The following ADAMTS6 variants were observed in gnomAD, a reference collection of about 807,000 sequenced individuals.
ADAMTS6 encodes the protein A disintegrin and metalloproteinase with thrombospondin motifs 6.
A neutral mutation model predicts 144.3 loss-of-function variants in ADAMTS6; 23 were observed. The observed-to-expected ratio is 0.16, with a 90% CI of 0.11 to 0.23. The LOEUF is 0.23. Ranked by LOEUF, ADAMTS6 falls within the 10% of genes least tolerant of loss-of-function variation. The pLI, the probability that ADAMTS6 is intolerant of heterozygous loss-of-function variation, is 1.00. For synonymous variants in ADAMTS6, 444 were observed against 457.5 expected, an observed-to-expected ratio of 0.97 and a Z score of 0.38; for missense variants, 999 against 1,379.6, an observed-to-expected ratio of 0.72 and a Z score of 4.37.
At chr5:65,464,721 C>A (rs1346663323) in intron 3 of ADAMTS6, among the ~76,000 whole-genome samples, 1 of 152,136 alleles carries the variant, frequency 6.6e-6, no homozygotes, top group Non-Finnish European at 1.5e-5. Context: ...CCTTTTACAC[C>A]ATGCCCACAG....
At chr5:65,380,177 T>C (rs1293192340) in intron 7 of ADAMTS6, among the ~76,000 whole-genome samples, 1 of 152,112 alleles carries the variant, frequency 6.6e-6, no homozygotes, top group African/African-American at 2.4e-5. Flanking sequence ...GCTGTATAGG[T>C]TCTGCATCTT....
chr5:65,436,631 T>A (rs1257587331), intron 7 of ADAMTS6, among the ~76,000 whole-genome samples: 6 of 151,872 alleles, frequency 4.0e-5, no homozygotes, highest in African/African-American at 1.2e-4. Context: ...AGGTCAGGAG[T>A]TCGAGGCCAG....
chr5:65,377,189 A>G (rs1488670651), intron 7 of ADAMTS6, among the ~76,000 whole-genome samples: 1 of 152,148 alleles, frequency 6.6e-6, no homozygotes, highest in Non-Finnish European at 1.5e-5. Context: ...TGACAGAGAC[A>G]AGTACTTCCT....
At position 65,280,065 on chromosome 5, in the gene ADAMTS6, T is replaced by A. The variant is rs549017659; in HGVS notation, c.1513-6618A>T. 1.3e-4 allele frequency among the ~76,000 whole-genome samples: 20 copies of A among 152,346 alleles called. No homozygotes were observed. In the South Asian group the frequency reaches 3.9e-3, roughly 30 times the overall value. ...TTTGGTCAGCACCATGTAGGCTGTA[T>A]ATGGTTTTACTTTGTTCTTATGTGA... On this transcript the variant is annotated intron_variant, in intron 11 of 24. Transcript: ENST00000381055.
At chr5:65,236,608 T>C (rs1758690849) in intron 15 of ADAMTS6, among the ~76,000 whole-genome samples, 1 of 152,128 alleles carries the variant, frequency 6.6e-6, no homozygotes, top group Non-Finnish European at 1.5e-5. Context: ...CTTAATGCAA[T>C]TAAATTATAT....
At position 65,260,633 on chromosome 5, in the gene ADAMTS6, C is replaced by G; in HGVS notation, c.1797G>C (p.Gly599=). ...APSGGGKYCL[G]ERKRYRSCNT... ...TACAGGAGCGATACCGTTTCCTTTC[C>G]CCAAGGCAATATTTTCCACCTCCTG... The change falls in exon 14 of 25, where the codon GGG becomes GGC. Residue 599 remains glycine (G), a synonymous_variant. Coordinates refer to ENST00000381055, the MANE Select transcript of ADAMTS6 (RefSeq NM_197941.4). 1 of 1,613,382 alleles carries G rather than the reference C, an allele frequency of 6.2e-7. No homozygotes were observed. Among genetic ancestry groups the G allele is most frequent in the Non-Finnish European group, 8.5e-7 (1 of 1,179,700 alleles).
chr5:65,341,712 G>A (rs949075952), intron 7 of ADAMTS6, among the ~76,000 whole-genome samples: 4 of 152,016 alleles, frequency 2.6e-5, no homozygotes, highest in African/African-American at 9.7e-5. Flanking sequence ...AGACTTCTAA[G>A]AAAGAAAAGT....
intron 18 of ADAMTS6, among the ~76,000 whole-genome samples, chr5:65,218,867 G>C (rs935398308): frequency 1.3e-5 from 2 of 152,180 alleles, no homozygotes; most frequent in Admixed American, 6.5e-5. Context: ...GAGGTAAACT[G>C]TTGTAAGGGT....
At chr5:65,453,310 C>G (rs1758902934) in intron 4 of ADAMTS6, among the ~76,000 whole-genome samples, 2 of 152,004 alleles carry the variant, frequency 1.3e-5, no homozygotes, top group African/African-American at 4.8e-5. Context: ...TAAGACAGCT[C>G]TGATAGCCCT....
intron 24 of ADAMTS6, among the ~76,000 whole-genome samples, chr5:65,168,394 C>G (rs888834607): frequency 1.3e-5 from 2 of 150,484 alleles, no homozygotes; most frequent in Non-Finnish European, 3.0e-5. Context: ...AGGATACAAA[C>G]AAATGGAAGA....
chr5:65,427,795 C>CT (rs1756667880), intron 7 of ADAMTS6, among the ~76,000 whole-genome samples: 1 of 134,748 alleles, frequency 7.4e-6, no homozygotes, highest in Non-Finnish European at 1.6e-5. Context: ...AAGACTCGGT[C>CT]TCAAAAAAAA....
At chr5:65,426,300 C>G (rs576932281) in intron 7 of ADAMTS6, among the ~76,000 whole-genome samples, 1 of 150,776 alleles carries the variant, frequency 6.6e-6, no homozygotes, top group Non-Finnish European at 1.5e-5. Context: ...CTCAGGTGAT[C>G]CACCCACCTT....
chr5:65,233,275 A>T (rs529971381), intron 15 of ADAMTS6, among the ~76,000 whole-genome samples: 29 of 152,242 alleles, frequency 1.9e-4, no homozygotes, highest in Non-Finnish European at 3.5e-4. Context: ...TAAGATCAGG[A>T]ACAAGGTAAC....
At chr5:65,419,439 A>G (rs1345345175) in intron 7 of ADAMTS6, among the ~76,000 whole-genome samples, 1 of 152,158 alleles carries the variant, frequency 6.6e-6, no homozygotes, top group Non-Finnish European at 1.5e-5. Context: ...AAAACTAACT[A>G]TTGGACACTA....
intron 9 of ADAMTS6, among the ~76,000 whole-genome samples, chr5:65,320,189 A>G (rs988105098): frequency 6.6e-6 from 1 of 152,190 alleles, no homozygotes; most frequent in Non-Finnish European, 1.5e-5. Flanking sequence ...CAATAAACCT[A>G]TAGCTAGACT....
rs976746074 is a variant in ADAMTS6 at position 65,169,707 on chromosome 5, T to C, written c.3244+910A>G. On this transcript the variant is annotated intron_variant, in intron 24 of 24. Transcript: ENST00000381055. Reference sequence around the variant, plus strand: ...TACACCATGGAATACTATGCAGACATAAAAAATGATGAGTTCATGTCCTTT... The same window carrying C: ...TACACCATGGAATACTATGCAGACACAAAAAATGATGAGTTCATGTCCTTT... 4.8e-4 allele frequency among the ~76,000 whole-genome samples: 72 copies of C among 151,458 alleles called. 1 individual carries two copies. The highest frequency in any genetic ancestry group is 1.7e-3 in the African/African-American group (71 of 41,178).
chr5:65,377,176 G>C (rs1751644103), intron 7 of ADAMTS6, among the ~76,000 whole-genome samples: 2 of 152,138 alleles, frequency 1.3e-5, no homozygotes, highest in African/African-American at 4.8e-5. Flanking sequence ...TTTCTGGTGG[G>C]AGTGACAGAG....
intron 4 of ADAMTS6, among the ~76,000 whole-genome samples, chr5:65,456,219 G>C (rs1407243336): frequency 6.6e-6 from 1 of 151,920 alleles, no homozygotes; most frequent in Non-Finnish European, 1.5e-5. Flanking sequence ...GTCTAAAATA[G>C]AAAACAAGAT....
At chr5:65,276,831 T>C (rs1238315070) in intron 11 of ADAMTS6, among the ~76,000 whole-genome samples, 1 of 143,082 alleles carries the variant, frequency 7.0e-6, no homozygotes, top group Non-Finnish European at 1.5e-5. Flanking sequence ...GGTGCTGAAG[T>C]ATAGTGAGAA....
Sources: allele counts gnomAD v4.1 joint callset (sites outside exome capture counted in the v4.1 genomes callset), GRCh38; gene constraint gnomAD v4.1.1; transcripts MANE v1.5; gene names NCBI Gene and HGNC (gene_info 2026-07-23, HGNC 2026-07-21).